Variants in AGL observed in about 807,000 individuals in gnomAD.
The protein encoded by AGL is glycogen debranching enzyme.
AGL carries 128 observed loss-of-function variants against 199.3 expected under a neutral mutation model. That is an observed-to-expected ratio of 0.64 (90% confidence interval 0.56 to 0.74). The LOEUF is 0.74. Ranked by LOEUF, AGL falls within the 30% of genes least tolerant of loss-of-function variation. The pLI is 0.00. For missense variants in AGL, 1,809 were observed against 1,820.8 expected, an observed-to-expected ratio of 0.99 and a Z score of 0.12; for synonymous variants, 584 against 594.7, an observed-to-expected ratio of 0.98 and a Z score of 0.26.
Position 99,864,346 on chromosome 1 carries a change from GTTTGT to G in AGL, c.461-36_461-32del, listed in dbSNP as rs1650322826. The G allele has an allele frequency of 3.2e-6, 5 of 1,539,322 alleles. No homozygotes were observed. The Admixed American group carries it at 8.4e-5, about 26-fold the overall frequency. On this transcript the variant is annotated intron_variant, in intron 4 of 33. Coordinates refer to ENST00000361915, the MANE Select transcript of AGL (RefSeq NM_000642.3). ...TCTTCATTTTAGGCTGGTTTTGTTT[GTTTGT>G]TTTTACAGTGGTCTTTCCTTTATTT... is the stretch of plus-strand genomic sequence containing the variant.
At chr1:99,870,285 A>G (rs960828314) in intron 5 of AGL, 115 bp from the exon 6 acceptor site, 23 of 1,102,982 alleles carry the variant, frequency 2.1e-5, no homozygotes, top group Non-Finnish European at 2.9e-5. Flanking sequence ...ATTGATGTCC[A>G]ATATAGAAAA....
At chr1:99,882,882 T>G (rs1357505850) in intron 17 of AGL, among the ~76,000 whole-genome samples, 1 of 152,172 alleles carries the variant, frequency 6.6e-6, no homozygotes, top group African/African-American at 2.4e-5. Context: ...TTTTAAAAAT[T>G]ATCAACCTGA....
At chr1:99,918,629 C>G (rs1655302999) in intron 33 of AGL, among the ~76,000 whole-genome samples, 2 of 151,902 alleles carry the variant, frequency 1.3e-5, no homozygotes, top group Non-Finnish European at 2.9e-5. Flanking sequence ...CAGCCATTTG[C>G]CTGGTTATTT....
Position 99,875,465 on chromosome 1 carries a change from TTTTG to T in AGL, c.1283+14_1283+17del, listed in dbSNP as rs771744614. The T allele has an allele frequency of 1.2e-6, 2 of 1,612,432 alleles. No homozygotes were observed. The highest frequency in any genetic ancestry group is 1.7e-6 in the Non-Finnish European group (2 of 1,178,558). The stretch of plus-strand genomic sequence containing the variant: ...ATCCTTTAGTTACCAGGTGTTGCAT[TTTTG>T]TTTTTTTTCTTATTGATGGTTGAAA... On this transcript the variant is annotated intron_variant, in intron 10 of 33. Coordinates refer to ENST00000361915, the MANE Select transcript of AGL (RefSeq NM_000642.3).
rs1425629589 is a variant in AGL at position 99,880,656 on chromosome 1, A to G, written c.1760A>G (p.His587Arg). 11 of 1,613,930 alleles carry G rather than the reference A, an allele frequency of 6.8e-6. No homozygotes were observed. Among genetic ancestry groups the G allele is most frequent in the Non-Finnish European group, 8.5e-6 (10 of 1,179,942 alleles). Reference sequence around the variant, plus strand: ...GAGGCAATGAGTGCATATAATAGTCATGAAGAGGGCAGATTAGTTTACCGA... The same window carrying G: ...GAGGCAATGAGTGCATATAATAGTCGTGAAGAGGGCAGATTAGTTTACCGA... ...IREAMSAYNS[H>R]EEGRLVYRYG... is the part of the protein sequence containing the mutation. The change falls in exon 14 of 34, where the codon CAT becomes CGT. Residue 587 changes from histidine to arginine, a missense_variant. Transcript: ENST00000361915.
rs773212374 is a variant in AGL at position 99,892,425 on chromosome 1, G to GT, written c.3084-5dup. 3.1e-6 allele frequency: 5 copies of GT among 1,612,604 alleles called. No individual in the cohort carries two copies. In the African/African-American group the frequency reaches 5.3e-5, roughly 17 times the overall value. ...ACAAGTAATAAATTCAATCACTTTT[G>GT]TTACAGCTTTGTTCAGAATGGTTCA... On this transcript the variant is annotated splice_polypyrimidine_tract_variant and splice_region_variant and intron_variant, in intron 23 of 33. Coordinates refer to ENST00000361915, the MANE Select transcript of AGL (RefSeq NM_000642.3).
chr1:99,861,296 G>A, intron 2 of AGL: 1 of 1,426,694 alleles, frequency 7.0e-7, no homozygotes, highest in Non-Finnish European at 9.1e-7. Flanking sequence ...AGAGCAGACA[G>A]CTCTATGATG....
chr1:99,874,834 G>T, intron 8 of AGL, 24 bp downstream of exon 8: 1 of 1,609,934 alleles, frequency 6.2e-7, no homozygotes, highest in Non-Finnish European at 8.5e-7. Context: ...TTTTTTCTGT[G>T]AAATAATAAT....
Position 99,881,072 on chromosome 1 carries a change from C to T in AGL, c.1900-4C>T. 6.2e-7 allele frequency: 1 copy of T among 1,612,256 alleles called. No homozygotes were observed. The highest frequency in any genetic ancestry group is 8.5e-7 in the Non-Finnish European group (1 of 1,178,458). On this transcript the variant is annotated splice_region_variant and splice_polypyrimidine_tract_variant and intron_variant, in intron 14 of 33. Coordinates refer to ENST00000361915, the MANE Select transcript of AGL (RefSeq NM_000642.3). The stretch of plus-strand genomic sequence containing the variant: ...ACTTTTGCTTTGTTGTTGTTGTCTT[C>T]TAGCATAGATCAGCGTATGATGCTC...
At chr1:99,874,655 G>A (rs768899696) in intron 7 of AGL, 32 bp from the exon 8 acceptor site, 8 of 1,590,842 alleles carry the variant, frequency 5.0e-6, no homozygotes, top group Middle Eastern at 1.7e-4. Context: ...GTAGATATTT[G>A]CATTTAAGGT....
Position 99,910,892 on chromosome 1 carries a change from G to A in AGL, c.3836+45G>A, listed in dbSNP as rs2274570. The A allele has an allele frequency of 0.5, 789,170 of 1,582,054 alleles. 199,900 individuals are homozygous for A. Among genetic ancestry groups the A allele is most frequent in the East Asian group, 0.61 (26,459 of 43,564 alleles). Reference sequence around the variant, plus strand: ...GCTGTGTAATTATACCCTTCTTTAAGAAAGCACTTACTTGTGGAATCTTTT... The same window carrying A: ...GCTGTGTAATTATACCCTTCTTTAAAAAAGCACTTACTTGTGGAATCTTTT... On this transcript the variant is annotated intron_variant, in intron 28 of 33. Coordinates refer to ENST00000361915, the MANE Select transcript of AGL (RefSeq NM_000642.3).
rs368336411 is a variant in AGL at position 99,922,013 on chromosome 1, T to C, written c.*362T>C. On this transcript the variant is annotated 3_prime_UTR_variant, in exon 34 of 34. Coordinates refer to ENST00000361915, the MANE Select transcript of AGL (RefSeq NM_000642.3). Reference sequence around the variant, plus strand: ...GAAAAGATAGCTTTTAATTGTGGTATATATAATCTTCAGTAACAATACATA... The same window carrying C: ...GAAAAGATAGCTTTTAATTGTGGTACATATAATCTTCAGTAACAATACATA... The C allele has an allele frequency of 2.3e-4, 42 of 182,336 alleles. No homozygotes were observed. The highest frequency in any genetic ancestry group is 2.6e-3 in the Middle Eastern group (1 of 384). 11.3% of individuals were successfully genotyped at this position (182,336 alleles called of 1,614,324 possible).
At chr1:99,850,679 C>T (rs1249918667) in intron 1 of AGL, 5 of 263,286 alleles carry the variant, frequency 1.9e-5, no homozygotes, top group Non-Finnish European at 3.7e-5. Context: ...GGAATGTCCC[C>T]CTGACTTCAG....
chr1:99,874,858 C>G, intron 8 of AGL, 48 bp downstream of exon 8: 1 of 1,586,918 alleles, frequency 6.3e-7, no homozygotes, highest in Non-Finnish European at 8.6e-7. Flanking sequence ...ACTTACAAAC[C>G]TTTATGGCTA....
At chr1:99,853,695 C>T (rs78023557) in intron 2 of AGL, among the ~76,000 whole-genome samples, 2,298 of 151,966 alleles carry the variant, frequency 0.015, 30 homozygotes, top group Middle Eastern at 0.088. Flanking sequence ...CATGGTCAGC[C>T]TGGACAACAT....
In AGL at chr1:99,881,322, A is replaced by C; in HGVS notation, c.2032A>C (p.Thr678Pro). ...AGTGGTTTCTGAAGAACGGTTTTAC[A>C]CTAAGTGGAATCCTGAAGCATTGCC... ...ISVVSEERFY[T>P]KWNPEALPSN... Residue 678 changes from threonine to proline, a missense_variant, in exon 16 of 34, where the codon ACT becomes CCT. By Grantham distance (38) the Thr-to-Pro change is conservative. Coordinates refer to ENST00000361915, the MANE Select transcript of AGL (RefSeq NM_000642.3). 6.2e-7 allele frequency: 1 copy of C among 1,614,128 alleles called. No individual in the cohort carries two copies.
At chr1:99,884,500 T>C (rs1349727556) in intron 19 of AGL, 49 bp downstream of exon 19, 1 of 1,601,952 alleles carries the variant, frequency 6.2e-7, no homozygotes, top group East Asian at 2.2e-5. Flanking sequence ...TTTAAAATAG[T>C]TTGCATATCC....
intron 27 of AGL, among the ~76,000 whole-genome samples, chr1:99,909,128 A>G (rs1313332047): frequency 6.6e-6 from 1 of 152,040 alleles, no homozygotes; most frequent in Non-Finnish European, 1.5e-5. Flanking sequence ...CTCTCCACTC[A>G]GTCTCTGCTG....
At chr1:99,855,175 C>T (rs945020063) in intron 2 of AGL, among the ~76,000 whole-genome samples, 3 of 151,026 alleles carry the variant, frequency 2.0e-5, no homozygotes, top group South Asian at 2.1e-4. Context: ...CACTCCAGCC[C>T]GGGCAACAGA....
Sources: allele counts gnomAD v4.1 joint callset (sites outside exome capture counted in the v4.1 genomes callset), GRCh38; gene constraint gnomAD v4.1.1; transcripts MANE v1.5; gene names NCBI Gene and HGNC (gene_info 2026-07-23, HGNC 2026-07-21).